Variants in SELENOF observed in about 807,000 individuals in gnomAD.
SELENOF encodes the protein selenoprotein F.
SELENOF carries 16 observed loss-of-function variants against 20.5 expected under a neutral mutation model. That is an observed-to-expected ratio of 0.78 (90% confidence interval 0.53 to 1.19). The LOEUF is 1.19. Ranked by LOEUF, SELENOF falls within the 50% of genes most tolerant of loss-of-function variation. The pLI is 0.00. For synonymous variants in SELENOF, 78 were observed against 74.5 expected, an observed-to-expected ratio of 1.05 and a Z score of -0.24; for missense variants, 215 against 194.2, an observed-to-expected ratio of 1.11 and a Z score of -0.64.
At chr1:86,905,134 G>T (rs1474487591) in intron 1 of SELENOF, among the ~76,000 whole-genome samples, 1 of 151,714 alleles carries the variant, frequency 6.6e-6, no homozygotes, top group African/African-American at 2.4e-5. Flanking sequence ...CAAGCTAGTT[G>T]CCCAGATCAG....
At chr1:86,870,617 T>TA (rs111374975) in intron 3 of SELENOF, among the ~76,000 whole-genome samples, 46,143 of 151,674 alleles carry the variant, frequency 0.3, 9,260 homozygotes, top group African/African-American at 0.57. Context: ...GTTCACTTAT[T>TA]AAAATATTTT....
At chr1:86,874,640 A>G (rs1658877535) in intron 3 of SELENOF, among the ~76,000 whole-genome samples, 1 of 152,136 alleles carries the variant, frequency 6.6e-6, no homozygotes, top group Non-Finnish European at 1.5e-5. Context: ...GAAAGAGGGT[A>G]TATGTGGAAA....
chr1:86,904,438 T>G (rs1259083909), intron 1 of SELENOF, among the ~76,000 whole-genome samples: 1 of 152,178 alleles, frequency 6.6e-6, no homozygotes, highest in Non-Finnish European at 1.5e-5. Context: ...AAAGCAGGCT[T>G]TCAACAATAT....
At chr1:86,885,291 T>C (rs1659185296) in intron 2 of SELENOF, among the ~76,000 whole-genome samples, 1 of 152,210 alleles carries the variant, frequency 6.6e-6, no homozygotes. Flanking sequence ...GTTTCACATG[T>C]AGAAAAAGGC....
At position 86,914,037 on chromosome 1, in the gene SELENOF, C is replaced by A; in HGVS notation, c.75G>T (p.Val25=). ...AFGLRLLLAT[V]LQAVSAFGAE... is the part of the protein sequence containing the mutation. ...GGTGATCTACACTCACCGCTTGAAGCACAGTCGCCAACAACAACCGTAGCC... is the reference window on the plus strand; with the variant it reads ...GGTGATCTACACTCACCGCTTGAAGAACAGTCGCCAACAACAACCGTAGCC... The change falls in exon 1 of 5, where the codon GTG becomes GTT. Residue 25 remains valine, a synonymous_variant. Coordinates refer to ENST00000331835, the MANE Select transcript of SELENOF (RefSeq NM_004261.5). 6.2e-7 allele frequency: 1 copy of A among 1,613,940 alleles called. No homozygotes were observed. Among genetic ancestry groups the A allele is most frequent in the Non-Finnish European group, 8.5e-7 (1 of 1,179,824 alleles).
At chr1:86,908,301 CA>C (rs1659883034) in intron 1 of SELENOF, among the ~76,000 whole-genome samples, 1 of 152,122 alleles carries the variant, frequency 6.6e-6, no homozygotes, top group African/African-American at 2.4e-5. Context: ...GAATGAACTC[CA>C]TGAAAATGAA....
chr1:86,905,139 GATCA>G (rs1191758857), intron 1 of SELENOF, among the ~76,000 whole-genome samples: 1 of 151,916 alleles, frequency 6.6e-6, no homozygotes, highest in Non-Finnish European at 1.5e-5. Context: ...TAGTTGCCCA[GATCA>G]GTCATCCTAC....
intron 2 of SELENOF, chr1:86,887,263 C>T: frequency 2.0e-6 from 3 of 1,488,174 alleles, no homozygotes; most frequent in Non-Finnish European, 2.7e-6. Context: ...ATATAATTCT[C>T]CAATACTATA....
intron 3 of SELENOF, among the ~76,000 whole-genome samples, chr1:86,876,570 T>TA (rs1289413619): frequency 2.0e-5 from 3 of 152,050 alleles, no homozygotes; most frequent in Non-Finnish European, 4.4e-5. Context: ...CCCATGGAAG[T>TA]AAAAAAATAT....
intron 1 of SELENOF, among the ~76,000 whole-genome samples, chr1:86,908,994 T>C (rs527579496): frequency 3.3e-5 from 5 of 152,348 alleles, no homozygotes; most frequent in South Asian, 2.1e-4. Context: ...GAGTAGACAG[T>C]GATAAAAACT....
chr1:86,891,180 G>A (rs774446846), intron 2 of SELENOF, among the ~76,000 whole-genome samples: 8 of 151,998 alleles, frequency 5.3e-5, no homozygotes, highest in Non-Finnish European at 1.2e-4. Flanking sequence ...CTCCCGAGTA[G>A]CTGAGGTTAC....
intron 1 of SELENOF, among the ~76,000 whole-genome samples, chr1:86,907,198 T>G (rs1008502388): frequency 6.6e-6 from 1 of 152,186 alleles, no homozygotes; most frequent in Non-Finnish European, 1.5e-5. Flanking sequence ...AAGAAGCAAG[T>G]GCACAGAAAG....
Position 86,863,325 on chromosome 1 carries a change from T to C in SELENOF, c.*149A>G, listed in dbSNP as rs1261990971. On this transcript the variant is annotated 3_prime_UTR_variant, in exon 5 of 5. Coordinates refer to ENST00000331835, the MANE Select transcript of SELENOF (RefSeq NM_004261.5). ...TGCCAACTCCTTAGATATCATGGAC[T>C]ATACTGCCATTTCACGATTTAATTA... 3.1e-6 allele frequency: 2 copies of C among 643,886 alleles called. No homozygotes were observed. The highest frequency in any genetic ancestry group is 3.8e-5 in the African/African-American group (2 of 53,184). 39.9% of individuals were successfully genotyped at this position (643,886 alleles called of 1,614,324 possible).
intron 4 of SELENOF, among the ~76,000 whole-genome samples, chr1:86,864,720 T>A (rs1179112111): frequency 6.6e-6 from 1 of 151,500 alleles, no homozygotes; most frequent in Non-Finnish European, 1.5e-5. Context: ...CACTGCCACC[T>A]CTGCCTCCTG....
At chr1:86,907,228 T>C (rs1659853010) in intron 1 of SELENOF, among the ~76,000 whole-genome samples, 1 of 152,234 alleles carries the variant, frequency 6.6e-6, no homozygotes, top group South Asian at 2.1e-4. Context: ...TCCCGCCCAG[T>C]ACACAGTAGG....
chr1:86,863,415 G>A lies in SELENOF; in HGVS notation c.*59C>T. 1.4e-6 allele frequency: 2 copies of A among 1,422,358 alleles called. No homozygotes were observed. Among genetic ancestry groups the A allele is most frequent in the Non-Finnish European group, 1.9e-6 (2 of 1,030,374 alleles). 88.1% of individuals were successfully genotyped at this position (1,422,358 alleles called of 1,614,324 possible). A position where few individuals can be genotyped will look rare whatever the true frequency, so the allele number is the denominator to read the frequency against. ...CAAGCAAAACTAAATTATTTTCTAG[G>A]TGCTGTAATATTTCATTTGATAAGG... On this transcript the variant is annotated 3_prime_UTR_variant, in exon 5 of 5. Coordinates refer to ENST00000331835, the MANE Select transcript of SELENOF (RefSeq NM_004261.5).
In SELENOF at chr1:86,863,390, C is replaced by G. The variant is rs990813997; in HGVS notation, c.*84G>C. The stretch of plus-strand genomic sequence containing the variant: ...CAAGTAAAAGACTGATCAATGGAAG[C>G]AAGCAAAACTAAATTATTTTCTAGG... On this transcript the variant is annotated 3_prime_UTR_variant, in exon 5 of 5. Transcript: ENST00000331835. 13 of 1,202,486 alleles carry G rather than the reference C, an allele frequency of 1.1e-5. No homozygotes were observed. The highest frequency in any genetic ancestry group is 1.4e-5 in the Non-Finnish European group (12 of 859,298). 74.5% of individuals were successfully genotyped at this position (1,202,486 alleles called of 1,614,324 possible). A position where few individuals can be genotyped will look rare whatever the true frequency, so the allele number is the denominator to read the frequency against.
intron 2 of SELENOF, among the ~76,000 whole-genome samples, chr1:86,894,432 C>T (rs909559294): frequency 6.6e-6 from 1 of 152,006 alleles, no homozygotes; most frequent in African/African-American, 2.4e-5. Flanking sequence ...ATGGTTTCCT[C>T]CTGATCTGTC....
intron 3 of SELENOF, among the ~76,000 whole-genome samples, chr1:86,873,512 T>G (rs180700560): frequency 6.6e-6 from 1 of 152,136 alleles, no homozygotes; most frequent in Non-Finnish European, 1.5e-5. Context: ...CCATCTGAAA[T>G]GTAGCTAGTG....
Sources: gnomAD v4.1 joint callset for allele counts (sites outside exome capture counted in the v4.1 genomes callset) on GRCh38, gnomAD v4.1.1 for gene constraint, MANE v1.5 for transcripts, NCBI Gene and HGNC (gene_info 2026-07-23, HGNC 2026-07-21) for gene names.